CHST7: variants seen among roughly 807,000 people sequenced by gnomAD.
The protein encoded by CHST7 is N-acetylglucosamine 6-O-sulfotransferase 4.
In CHST7, 5 loss-of-function variants were observed where a neutral mutation model predicts 9.0. The ratio of observed to expected loss-of-function variants is 0.56; its 90% CI spans 0.29 to 1.17. CHST7 has a LOEUF of 1.17. CHST7 is among the 50% of genes most tolerant of loss of function. CHST7 has a pLI of 0.08. For missense variants in CHST7, 377 were observed against 485.1 expected (o/e 0.78, Z 2.09); for synonymous variants, 244 against 237.1 (o/e 1.03, Z -0.27).
rs367597052 is a variant in CHST7 at position 46,585,295 on chromosome X, CT to C, written c.*31+9886del. Among the ~76,000 whole-genome samples the C allele has an allele frequency of 0.011, 251 of 23,287 alleles. 2 individuals carry two copies. The African/African-American group carries it at 0.13, about 12-fold the overall frequency. 20.2% of individuals were successfully genotyped at this position (23,287 alleles called of 115,157 possible). ...TTTCTTTCTTTTTTTCTTTTCTTTT[CT>C]TTTTTTTTTTTTTGAGACAGTCTTA... On this transcript the variant is annotated intron_variant, in intron 1 of 1. Transcript: ENST00000276055.
intron 1 of CHST7, among the ~76,000 whole-genome samples, chrX:46,584,366 C>T (rs1301096922): frequency 3.6e-5 from 4 of 109,621 alleles, no homozygotes; most frequent in African/African-American, 1.0e-4. Context: ...GGAGAAACCC[C>T]GCCTCTACTA....
rs370889337 is a variant in CHST7, at chrX:46,585,450, C to T, written c.*31+10027C>T. ...GACTACAGGCATGCGCCACCACGCC[C>T]GGCTAATATTTATATTTTTAATAGA... is the stretch of plus-strand genomic sequence containing the variant. On this transcript the variant is annotated intron_variant, in intron 1 of 1. Transcript: ENST00000276055. Among the ~76,000 whole-genome samples, 50 of 109,489 alleles carry T rather than the reference C, an allele frequency of 4.6e-4. No homozygotes were observed. In the East Asian group the frequency reaches 0.012, roughly 26 times the overall value.
chrX:46,593,317 CT>C (rs1942580597), intron 1 of CHST7, among the ~76,000 whole-genome samples: 1 of 111,800 alleles, frequency 8.9e-6, no homozygotes, highest in Non-Finnish European at 1.9e-5. Context: ...TCTTTCTGTT[CT>C]TTCAGTTTTT....
intron 1 of CHST7, among the ~76,000 whole-genome samples, chrX:46,588,088 T>C (rs1942557649): frequency 8.9e-6 from 1 of 112,028 alleles, no homozygotes; most frequent in Non-Finnish European, 1.9e-5. Flanking sequence ...ATCTGTGAAG[T>C]AGTTTTGGTG....
intron 1 of CHST7, among the ~76,000 whole-genome samples, chrX:46,588,259 C>T (rs939265140): frequency 9.0e-6 from 1 of 110,639 alleles, no homozygotes; most frequent in Non-Finnish European, 1.9e-5. Flanking sequence ...ATGAGGTCCC[C>T]GTGCAAGTTC....
chrX:46,591,657 G>A, intron 1 of CHST7, among the ~76,000 whole-genome samples: 2 of 111,435 alleles, frequency 1.8e-5, no homozygotes, highest in Non-Finnish European at 3.8e-5. Context: ...TTACAGGCGT[G>A]AGCCACCGCG....
Position 46,574,181 on chromosome X carries a change from C to T in CHST7, c.250C>T (p.Arg84Trp), listed in dbSNP as rs904627226. ...GGAAGGGGGCGCGAACCAGTCTCCTCGGTTCCCAAGCAACCTCAGCGGCGC... is the reference window on the plus strand; with the variant it reads ...GGAAGGGGGCGCGAACCAGTCTCCTTGGTTCCCAAGCAACCTCAGCGGCGC... ...AEEGGANQSP[R>W]FPSNLSGAVG... The change falls in exon 1 of 2, where the codon CGG (arginine) becomes TGG (tryptophan). Residue 84 changes from arginine (R) to tryptophan (W), a missense_variant. Arg to Trp is a moderately radical substitution (Grantham distance 101, BLOSUM62 -3). This residue lies in a region of CHST7 where 239 missense variants were observed against 325.7 expected (regional missense o/e 0.73). Transcript: ENST00000276055. 3.4e-6 allele frequency: 4 copies of T among 1,192,289 alleles called. No individual in the cohort carries two copies. The highest frequency in any genetic ancestry group is 4.5e-6 in the Non-Finnish European group (4 of 884,521).
intron 1 of CHST7, among the ~76,000 whole-genome samples, chrX:46,579,938 G>T (rs1054621589): frequency 9.0e-6 from 1 of 111,194 alleles, no homozygotes; most frequent in African/African-American, 3.3e-5. Context: ...GCTGCAATGA[G>T]CTGTGATCAC....
intron 1 of CHST7, among the ~76,000 whole-genome samples, chrX:46,581,510 C>T (rs1457297572): frequency 1.9e-5 from 2 of 106,770 alleles, no homozygotes; most frequent in Non-Finnish European, 3.9e-5. Flanking sequence ...GAGCTGAGAT[C>T]GCGCCACTGC....
chrX:46,586,924 GGGGTTTCTCCATGTT>G (rs1351549884), intron 1 of CHST7, among the ~76,000 whole-genome samples: 1 of 110,444 alleles, frequency 9.1e-6, no homozygotes, highest in Admixed American at 9.7e-5. Flanking sequence ...TAATAGAGAT[GGGGTTTCTCCATGTT>G]GGTCAGGCTG....
rs1326983802 is a variant in CHST7, at chrX:46,573,997, G to A, written c.66G>A (p.Thr22=). The A allele has an allele frequency of 6.9e-6, 8 of 1,157,290 alleles. No homozygotes were observed. Among genetic ancestry groups the A allele is most frequent in the Non-Finnish European group, 9.2e-6 (8 of 874,171 alleles). The change falls in exon 1 of 2, where the codon ACG becomes ACA. Residue 22 remains threonine, a synonymous_variant. Transcript: ENST00000276055. ...CKFALLLVLY[T]LVLLLVPSVL... ...TCGCGCTGCTGTTGGTGCTGTACACGCTGGTGCTGTTGCTCGTCCCCTCCG... is the reference window on the plus strand; with the variant it reads ...TCGCGCTGCTGTTGGTGCTGTACACACTGGTGCTGTTGCTCGTCCCCTCCG...
chrX:46,584,269 G>T (rs1490271398), intron 1 of CHST7, among the ~76,000 whole-genome samples: 3 of 111,017 alleles, frequency 2.7e-5, no homozygotes, highest in African/African-American at 9.9e-5. Flanking sequence ...CGGGTGCGGT[G>T]GCTCACACCT....
chrX:46,583,651 G>A (rs867970470), intron 1 of CHST7, among the ~76,000 whole-genome samples: 2 of 112,076 alleles, frequency 1.8e-5, no homozygotes, highest in Admixed American at 9.4e-5. Flanking sequence ...TGATTTTTTC[G>A]TTACATGCAC....
At chrX:46,578,764 C>T (rs1942511677) in intron 1 of CHST7, among the ~76,000 whole-genome samples, 1 of 109,912 alleles carries the variant, frequency 9.1e-6, no homozygotes, top group African/African-American at 3.3e-5. Context: ...CCCCCTTTAC[C>T]AGCCGACGTC....
Position 46,574,049 on chromosome X carries a change from A to C in CHST7, c.118A>C (p.Lys40Gln). ...ATTGGACGGCGGCCGCGACGGGGAC[A>C]AGGGCGCCGAGCACTGCCCCGGCCT... ...SVLDGGRDGD[K>Q]GAEHCPGLQR... The change falls in exon 1 of 2, where the codon AAG (lysine) becomes CAG (glutamine). Residue 40 changes from lysine (K) to glutamine (Q), a missense_variant. This residue lies in a region of CHST7 where 239 missense variants were observed against 325.7 expected (regional missense o/e 0.73). Coordinates refer to ENST00000276055, the MANE Select transcript of CHST7 (RefSeq NM_019886.4). 5 of 1,164,828 alleles carry C rather than the reference A, an allele frequency of 4.3e-6. No homozygotes were observed. The Admixed American group carries it at 1.2e-4, about 29-fold the overall frequency.
chrX:46,579,777 G>A (rs1942516027), intron 1 of CHST7, among the ~76,000 whole-genome samples: 1 of 111,324 alleles, frequency 9.0e-6, no homozygotes, highest in East Asian at 2.8e-4. Context: ...TTGAGGTCAG[G>A]AGTTCAAGAC....
rs1048253650 is a variant in CHST7 at position 46,574,020 on chromosome X, C to T, written c.89C>T (p.Ser30Phe). ...LYTLVLLLVP[S>F]VLDGGRDGDK... ...ACGCTGGTGCTGTTGCTCGTCCCCT[C>T]CGTATTGGACGGCGGCCGCGACGGG... Residue 30 changes from serine (S) to phenylalanine (F), a missense_variant, in exon 1 of 2, where the codon TCC becomes TTC. Ser to Phe is a radical substitution (Grantham distance 155). Transcript: ENST00000276055. The T allele has an allele frequency of 1.7e-6, 2 of 1,161,303 alleles. No homozygotes were observed. Among genetic ancestry groups the T allele is most frequent in the Non-Finnish European group, 2.3e-6 (2 of 875,418 alleles).
At chrX:46,597,354 C>T (rs1291640590) in intron 1 of CHST7, among the ~76,000 whole-genome samples, 2 of 111,981 alleles carry the variant, frequency 1.8e-5, no homozygotes, top group African/African-American at 6.5e-5. Context: ...TTGCTGTTGG[C>T]GTTTTGCACA....
chrX:46,588,699 T>C (rs1356953150), intron 1 of CHST7, among the ~76,000 whole-genome samples: 6 of 111,728 alleles, frequency 5.4e-5, no homozygotes, highest in Non-Finnish European at 1.9e-5. Context: ...CATTGAAATA[T>C]GACTTTCAAT....
Sources: allele counts gnomAD v4.1 joint callset (sites outside exome capture counted in the v4.1 genomes callset), GRCh38; gene constraint gnomAD v4.1.1; regional missense constraint gnomAD v4.1.1; transcripts MANE v1.5; gene names NCBI Gene and HGNC (gene_info 2026-07-23, HGNC 2026-07-21).